CLSTN2: variants seen among roughly 807,000 people sequenced by gnomAD.
CLSTN2 encodes the protein calsyntenin-2.
Under a neutral mutation model 101.2 loss-of-function variants are expected in CLSTN2, and 48 were observed. The ratio of observed to expected loss-of-function variants is 0.47; its 90% CI spans 0.38 to 0.60. The LOEUF (loss-of-function observed/expected upper bound fraction) is 0.60. Ranked by LOEUF, CLSTN2 falls within the 20% of genes least tolerant of loss-of-function variation. The probability of loss-of-function intolerance (pLI) is 0.00; values close to 1 mark genes in which losing one functional copy is unlikely to be tolerated. For synonymous variants in CLSTN2, 481 were observed against 463.6 expected (o/e 1.04, Z -0.48); for missense variants, 1,160 against 1,238.2 (o/e 0.94, Z 0.95).
At chr3:140,120,042 G>A (rs1487479067) in intron 1 of CLSTN2, among the ~76,000 whole-genome samples, 1 of 152,096 alleles carries the variant, frequency 6.6e-6, no homozygotes, top group Non-Finnish European at 1.5e-5. Context: ...ATGCGTAGAG[G>A]TTTTTCCCCA....
At chr3:140,239,659 A>G (rs2086443510) in intron 2 of CLSTN2, among the ~76,000 whole-genome samples, 1 of 152,094 alleles carries the variant, frequency 6.6e-6, no homozygotes. Context: ...CTAATGCAGT[A>G]TTTTCTAAAA....
chr3:140,008,711 T>C (rs139907910), intron 1 of CLSTN2, among the ~76,000 whole-genome samples: 1,925 of 152,360 alleles, frequency 0.013, 19 homozygotes, highest in Middle Eastern at 0.027. Flanking sequence ...AATCAGAGTA[T>C]TACAATTTGA....
chr3:140,291,353 C>T (rs372321766), intron 2 of CLSTN2, among the ~76,000 whole-genome samples: 3 of 151,932 alleles, frequency 2.0e-5, no homozygotes, highest in Admixed American at 6.6e-5. Flanking sequence ...GTCAAGGTCA[C>T]CAGTAAATGA....
chr3:140,196,135 A>T (rs2010640356), intron 2 of CLSTN2, among the ~76,000 whole-genome samples: 1 of 152,208 alleles, frequency 6.6e-6, no homozygotes, highest in Non-Finnish European at 1.5e-5. Flanking sequence ...AATGCCTGGG[A>T]ACAGCCACAC....
intron 2 of CLSTN2, among the ~76,000 whole-genome samples, chr3:140,233,555 A>T (rs2086390021): frequency 6.6e-6 from 1 of 152,212 alleles, no homozygotes; most frequent in Admixed American, 6.5e-5. Flanking sequence ...ATACATAAAA[A>T]TTAATTGTAT....
chr3:140,532,587 G>C, intron 9 of CLSTN2, 101 bp downstream of exon 9: 2 of 992,616 alleles, frequency 2.0e-6, no homozygotes, highest in East Asian at 2.6e-5. Context: ...GAATAGTCTA[G>C]AAAAATTACT....
intron 2 of CLSTN2, among the ~76,000 whole-genome samples, chr3:140,331,297 T>C (rs2087381217): frequency 6.6e-6 from 1 of 152,152 alleles, no homozygotes; most frequent in African/African-American, 2.4e-5. Context: ...CTTTTCTACC[T>C]GGGCTGGCAG....
chr3:140,225,570 T>C (rs1482755093), intron 2 of CLSTN2, among the ~76,000 whole-genome samples: 1 of 152,188 alleles, frequency 6.6e-6, no homozygotes, highest in Non-Finnish European at 1.5e-5. Flanking sequence ...CGATATCGGC[T>C]CACTGCAACC....
At chr3:139,936,270 G>T (rs1306903749) in intron 1 of CLSTN2, among the ~76,000 whole-genome samples, 1 of 152,188 alleles carries the variant, frequency 6.6e-6, no homozygotes, top group Non-Finnish European at 1.5e-5. Flanking sequence ...GCCTGGGAGC[G>T]TCGGGAGCTC....
At chr3:139,943,022 C>T (rs557169850) in intron 1 of CLSTN2, among the ~76,000 whole-genome samples, 1 of 152,146 alleles carries the variant, frequency 6.6e-6, no homozygotes, top group African/African-American at 2.4e-5. Flanking sequence ...CCTCCTACCC[C>T]ACCCAAGGCT....
intron 2 of CLSTN2, among the ~76,000 whole-genome samples, chr3:140,364,272 T>C (rs1385876749): frequency 6.6e-6 from 1 of 152,066 alleles, no homozygotes; most frequent in South Asian, 2.1e-4. Context: ...GTCTGAATGG[T>C]GCTGGCCCTT....
intron 8 of CLSTN2, among the ~76,000 whole-genome samples, chr3:140,501,834 A>AAGATTC (rs1370748364): frequency 3.3e-4 from 51 of 152,372 alleles, no homozygotes; most frequent in African/African-American, 1.2e-3. Context: ...AGAACTTGTT[A>AAGATTC]AGATTCAGAT....
chr3:140,303,441 A>G (rs141597641), intron 2 of CLSTN2, among the ~76,000 whole-genome samples: 2 of 152,286 alleles, frequency 1.3e-5, no homozygotes, highest in African/African-American at 2.4e-5. Context: ...GAACCTTGAC[A>G]GGTCATTTAG....
chr3:140,557,648 G>A (rs77625302), intron 11 of CLSTN2, among the ~76,000 whole-genome samples: 5,542 of 152,260 alleles, frequency 0.036, 103 homozygotes, highest in East Asian at 0.051. Context: ...ACCCATAGAA[G>A]AGGATGGAGT....
At chr3:140,365,538 C>T (rs1021926799) in intron 2 of CLSTN2, among the ~76,000 whole-genome samples, 2 of 152,146 alleles carry the variant, frequency 1.3e-5, no homozygotes, top group Non-Finnish European at 2.9e-5. Flanking sequence ...AGGTTTCCTC[C>T]CATGTCCTTC....
intron 2 of CLSTN2, among the ~76,000 whole-genome samples, chr3:140,220,792 G>T (rs1226146185): frequency 6.6e-6 from 1 of 152,234 alleles, no homozygotes; most frequent in Non-Finnish European, 1.5e-5. Context: ...TTGTGATGGG[G>T]ACAGGGCAGT....
rs550822162 is a variant in CLSTN2 at position 140,400,510 on chromosome 3, A to G, written c.233-3119A>G. Among the ~76,000 whole-genome samples the G allele has an allele frequency of 2.0e-5, 3 of 152,226 alleles. No individual in the cohort carries two copies. The East Asian group carries it at 5.8e-4, about 29-fold the overall frequency. Reference sequence around the variant, plus strand: ...GGTCAGGAGTTCGAGACCAGCTTGGACAACATAATGAGACCTCCATCTTTG... The same window carrying G: ...GGTCAGGAGTTCGAGACCAGCTTGGGCAACATAATGAGACCTCCATCTTTG... On this transcript the variant is annotated intron_variant, in intron 2 of 16. Transcript: ENST00000458420.
chr3:140,558,512 C>A (rs1026366675), intron 11 of CLSTN2, 128 bp from the exon 12 acceptor site: 7 of 656,344 alleles, frequency 1.1e-5, no homozygotes, highest in Non-Finnish European at 1.6e-5. Flanking sequence ...CTGTTGACAT[C>A]CTCAGAGACA....
At chr3:140,188,876 G>A (rs1230663906) in intron 2 of CLSTN2, among the ~76,000 whole-genome samples, 3 of 152,014 alleles carry the variant, frequency 2.0e-5, no homozygotes, top group Non-Finnish European at 2.9e-5. Flanking sequence ...AAGATACAGA[G>A]CATTTCTATC....
Sources: allele counts gnomAD v4.1 joint callset (sites outside exome capture counted in the v4.1 genomes callset), GRCh38; gene constraint gnomAD v4.1.1; transcripts MANE v1.5; gene names NCBI Gene and HGNC (gene_info 2026-07-23, HGNC 2026-07-21).